The following ARPP21 variants were observed in gnomAD, a reference collection of about 807,000 sequenced individuals.
The protein encoded by ARPP21 is cAMP-regulated phosphoprotein 21.
ARPP21 carries 69 observed loss-of-function variants against 113.2 expected under a neutral mutation model. The observed-to-expected ratio is 0.61, with a 90% CI of 0.50 to 0.74. The LOEUF (loss-of-function observed/expected upper bound fraction) is 0.74. Ranked by LOEUF, ARPP21 falls within the 30% of genes least tolerant of loss-of-function variation. ARPP21 has a pLI of 0.00. For synonymous variants in ARPP21, 368 were observed against 375.5 expected, an observed-to-expected ratio of 0.98 and a Z score of 0.23; for missense variants, 1,070 against 1,037.4, an observed-to-expected ratio of 1.03 and a Z score of -0.43.
intron 15 of ARPP21, among the ~76,000 whole-genome samples, chr3:35,734,811 T>C (rs533893422): frequency 6.6e-6 from 1 of 152,210 alleles, no homozygotes; most frequent in Non-Finnish European, 1.5e-5. Context: ...TATTGAGCTA[T>C]ACAATATATA....
chr3:35,658,876 T>G (rs532598507), intron 1 of ARPP21, among the ~76,000 whole-genome samples: 14 of 152,244 alleles, frequency 9.2e-5, no homozygotes, highest in Middle Eastern at 3.4e-3. Context: ...GCCAATCTTC[T>G]GCAGCTGGGA....
intron 19 of ARPP21, chr3:35,744,498 A>T: frequency 1.9e-6 from 1 of 531,860 alleles, no homozygotes; most frequent in East Asian, 5.5e-5. Context: ...AGGGGGGCCG[A>T]TACACTGTAC....
intron 1 of ARPP21, among the ~76,000 whole-genome samples, chr3:35,670,531 C>T (rs2076067215): frequency 6.6e-6 from 1 of 152,046 alleles, no homozygotes; most frequent in African/African-American, 2.4e-5. Flanking sequence ...CGGCCAAACT[C>T]AAACTGCAGC....
intron 9 of ARPP21, among the ~76,000 whole-genome samples, chr3:35,694,649 A>G (rs1006629837): frequency 2.0e-5 from 3 of 151,200 alleles, no homozygotes; most frequent in African/African-American, 7.3e-5. Context: ...ATTCTCTTAA[A>G]GCAAAAATAC....
At chr3:35,642,661 A>G (rs1698545438) in intron 1 of ARPP21, among the ~76,000 whole-genome samples, 1 of 152,174 alleles carries the variant, frequency 6.6e-6, no homozygotes, top group South Asian at 2.1e-4. Context: ...TGAGAAGTAC[A>G]GAAATAATTT....
chr3:35,749,762 A>G (rs2095332673), intron 19 of ARPP21, among the ~76,000 whole-genome samples: 1 of 152,120 alleles, frequency 6.6e-6, no homozygotes, highest in Admixed American at 6.5e-5. Context: ...TTCAGATTAT[A>G]TATTTAATCT....
At chr3:35,710,542 AACACACAC>A (rs3086903) in intron 11 of ARPP21, among the ~76,000 whole-genome samples, 3,451 of 132,890 alleles carry the variant, frequency 0.026, 93 homozygotes, top group African/African-American at 0.072. Context: ...CTCTCTCTCA[AACACACAC>A]ACACACACAC....
intron 14 of ARPP21, 23 bp downstream of exon 14, chr3:35,721,857 A>T: frequency 6.7e-7 from 1 of 1,489,306 alleles, no homozygotes; most frequent in Non-Finnish European, 9.1e-7. Context: ...GAATGTGTTT[A>T]TGTCCTGTGG....
In ARPP21 at chr3:35,737,223, C is replaced by A; in HGVS notation, c.1505C>A (p.Pro502Gln). ...GATGGAACTCCTGCAATATACAACC[C>A]ACCCACCAGTCAGCAGCCCCTGCGA... ...NPDGTPAIYNPPTSQQPLRSA... is the reference protein window; with the variant it reads ...NPDGTPAIYNQPTSQQPLRSA... Residue 502 changes from proline (P) to glutamine (Q), a missense_variant, in exon 16 of 21, where the codon CCA (proline) becomes CAA (glutamine). Transcript: ENST00000684406. 16 of 1,612,764 alleles carry A rather than the reference C, an allele frequency of 9.9e-6. No individual in the cohort carries two copies. Among genetic ancestry groups the A allele is most frequent in the Non-Finnish European group, 1.3e-5 (15 of 1,179,170 alleles).
chr3:35,776,809 C>T (rs373056951), intron 19 of ARPP21, among the ~76,000 whole-genome samples: 1 of 152,024 alleles, frequency 6.6e-6, no homozygotes, highest in Non-Finnish European at 1.5e-5. Flanking sequence ...TCACTGCTCT[C>T]CCAGGGATGG....
chr3:35,697,090 T>G (rs569450518), intron 9 of ARPP21, among the ~76,000 whole-genome samples: 1 of 151,750 alleles, frequency 6.6e-6, no homozygotes, highest in East Asian at 1.9e-4. Flanking sequence ...ATGTATTATC[T>G]GAATGTTTTT....
chr3:35,666,919 A>T (rs1052247342), intron 1 of ARPP21, among the ~76,000 whole-genome samples: 1 of 152,234 alleles, frequency 6.6e-6, no homozygotes, highest in African/African-American at 2.4e-5. Flanking sequence ...ACCCACCTGA[A>T]TTGCCACTGG....
At chr3:35,780,014 T>G (rs967218514) in intron 19 of ARPP21, among the ~76,000 whole-genome samples, 4 of 152,240 alleles carry the variant, frequency 2.6e-5, no homozygotes, top group African/African-American at 9.6e-5. Context: ...AGTTACTGTC[T>G]GTCCAGATTT....
At chr3:35,793,522 G>A (rs1163046851) in intron 20 of ARPP21, among the ~76,000 whole-genome samples, 179 bp from the exon 21 acceptor site, 2 of 152,210 alleles carry the variant, frequency 1.3e-5, no homozygotes, top group East Asian at 3.9e-4. Flanking sequence ...AATGGACTAG[G>A]GAATTAGAGA....
chr3:35,741,964 C>T (rs1041054337), intron 18 of ARPP21, among the ~76,000 whole-genome samples: 4 of 152,102 alleles, frequency 2.6e-5, no homozygotes, highest in Admixed American at 2.6e-4. Context: ...AAATCTCTAG[C>T]ACAGCTTGTG....
intron 14 of ARPP21, among the ~76,000 whole-genome samples, chr3:35,724,584 C>T (rs558917140): frequency 1.3e-4 from 20 of 152,278 alleles, no homozygotes; most frequent in African/African-American, 4.8e-4. Flanking sequence ...TGCCAATGCT[C>T]CTTGCCTGGG....
chr3:35,640,745 CTGTT>C (rs1170158837), intron 1 of ARPP21, among the ~76,000 whole-genome samples: 18 of 152,158 alleles, frequency 1.2e-4, no homozygotes, highest in Non-Finnish European at 2.2e-4. Flanking sequence ...AAGTTATACT[CTGTT>C]TGTTGTCCTG....
At chr3:35,645,511 T>C (rs1672036719) in intron 1 of ARPP21, among the ~76,000 whole-genome samples, 1 of 151,908 alleles carries the variant, frequency 6.6e-6, no homozygotes, top group African/African-American at 2.4e-5. Context: ...TCTTTTTTTC[T>C]GCAGCTTTTT....
Position 35,738,464 on chromosome 3 carries a change from A to T in ARPP21, c.1749+146A>T, listed in dbSNP as rs2094485315. ...ATGTGCGAATGTCTCATTTCTGAAC[A>T]TTACAGCCCATCTCTGCAAAACAAT... On this transcript the variant is annotated intron_variant, in intron 17 of 20. Transcript: ENST00000684406. The T allele has an allele frequency of 9.5e-6, 6 of 633,126 alleles. No homozygotes were observed. The Admixed American group carries it at 1.5e-4, about 16-fold the overall frequency. The allele number at this position is 633,126 out of a possible 1,614,324, so 39.2% of individuals were successfully genotyped here. A position where few individuals can be genotyped will look rare whatever the true frequency, so the allele number is the denominator to read the frequency against.
Sources: allele counts gnomAD v4.1 joint callset (sites outside exome capture counted in the v4.1 genomes callset), GRCh38; gene constraint gnomAD v4.1.1; transcripts MANE v1.5; gene names NCBI Gene and HGNC (gene_info 2026-07-23, HGNC 2026-07-21).